Variants in CHST11 observed in about 807,000 individuals in gnomAD.
CHST11 encodes the protein C4S-1.
Under a neutral mutation model 30.4 loss-of-function variants are expected in CHST11, and 9 were observed. The observed-to-expected ratio is 0.30, with a 90% CI of 0.18 to 0.52. CHST11 has a LOEUF of 0.52. CHST11 is among the 20% of genes least tolerant of loss of function. The probability of loss-of-function intolerance (pLI) is 0.97; values close to 1 mark genes in which losing one functional copy is unlikely to be tolerated. For missense variants in CHST11, 348 were observed against 460.6 expected (o/e 0.76, Z 2.24); for synonymous variants, 152 against 187.8 (o/e 0.81, Z 1.56).
chr12:104,726,372 T>C (rs1461242957), intron 2 of CHST11, among the ~76,000 whole-genome samples: 1 of 152,182 alleles, frequency 6.6e-6, no homozygotes, highest in African/African-American at 2.4e-5. Context: ...GATCTGCCGT[T>C]GAGCATATTC....
chr12:104,619,520 G>T (rs1380294097), intron 2 of CHST11, among the ~76,000 whole-genome samples: 1 of 152,130 alleles, frequency 6.6e-6, no homozygotes, highest in Non-Finnish European at 1.5e-5. Flanking sequence ...CACTCCACTG[G>T]GTCGTGTTTC....
intron 1 of CHST11, among the ~76,000 whole-genome samples, chr12:104,522,285 G>A (rs1370670989): frequency 6.6e-6 from 1 of 152,146 alleles, no homozygotes; most frequent in Non-Finnish European, 1.5e-5. Context: ...ATCTCACTGA[G>A]CCGTGTTATT....
chr12:104,605,491 A>G (rs2136049607), intron 2 of CHST11, among the ~76,000 whole-genome samples: 1 of 152,346 alleles, frequency 6.6e-6, no homozygotes, highest in Admixed American at 6.5e-5. Context: ...AGGCAGGAGA[A>G]TGGCGTGAGC....
At chr12:104,724,081 C>T (rs2040199111) in intron 2 of CHST11, among the ~76,000 whole-genome samples, 1 of 152,128 alleles carries the variant, frequency 6.6e-6, no homozygotes, top group Admixed American at 6.6e-5. Context: ...ACTTTAGCTG[C>T]TCTGTTGAAA....
At chr12:104,469,579 G>A (rs922848996) in intron 1 of CHST11, among the ~76,000 whole-genome samples, 2 of 152,178 alleles carry the variant, frequency 1.3e-5, no homozygotes, top group African/African-American at 4.8e-5. Context: ...AGCATCAATT[G>A]GCCCTATGTC....
chr12:104,501,062 G>A (rs1025675640), intron 1 of CHST11, among the ~76,000 whole-genome samples: 37 of 152,208 alleles, frequency 2.4e-4, no homozygotes, highest in African/African-American at 8.2e-4. Context: ...TTATGCCTTC[G>A]GAGTCCTTCA....
intron 1 of CHST11, among the ~76,000 whole-genome samples, chr12:104,478,065 A>G (rs2037581077): frequency 6.6e-6 from 1 of 152,094 alleles, no homozygotes; most frequent in Admixed American, 6.5e-5. Context: ...CAAGTTTGGG[A>G]AGCAACCCCC....
intron 2 of CHST11, among the ~76,000 whole-genome samples, chr12:104,690,213 T>A (rs1210659374): frequency 6.6e-6 from 1 of 152,216 alleles, no homozygotes; most frequent in Non-Finnish European, 1.5e-5. Flanking sequence ...GAGAATCCAG[T>A]TAATAGCTTT....
intron 2 of CHST11, among the ~76,000 whole-genome samples, chr12:104,605,823 T>C (rs932838920): frequency 1.3e-5 from 2 of 152,200 alleles, no homozygotes; most frequent in African/African-American, 2.4e-5. Context: ...AGCTGCATTG[T>C]CAGCCATTAA....
chr12:104,517,899 A>G (rs1421580600), intron 1 of CHST11, among the ~76,000 whole-genome samples: 1 of 152,170 alleles, frequency 6.6e-6, no homozygotes, highest in Non-Finnish European at 1.5e-5. Context: ...CTTTTTGAAT[A>G]CCTACTGCAT....
At chr12:104,478,194 C>G (rs2037583175) in intron 1 of CHST11, among the ~76,000 whole-genome samples, 1 of 152,200 alleles carries the variant, frequency 6.6e-6, no homozygotes, top group African/African-American at 2.4e-5. Flanking sequence ...CACACACACA[C>G]AAACACACAC....
At position 104,622,080 on chromosome 12, in the gene CHST11, A is replaced by G. The variant is rs553605621; in HGVS notation, c.204+20089A>G. Among the ~76,000 whole-genome samples, 5 of 152,372 alleles carry G rather than the reference A, an allele frequency of 3.3e-5. No individual in the cohort carries two copies. The East Asian group carries it at 9.6e-4, about 29-fold the overall frequency. ...CCCCGGTGACCCCCACAGGCACATC[A>G]TGGCTTACATACCGGCAGGGAATAG... On this transcript the variant is annotated intron_variant, in intron 2 of 2. Transcript: ENST00000303694.
intron 2 of CHST11, among the ~76,000 whole-genome samples, chr12:104,714,405 T>C (rs2040112367): frequency 6.6e-6 from 1 of 152,248 alleles, no homozygotes; most frequent in African/African-American, 2.4e-5. Flanking sequence ...AGTTTCACTG[T>C]CTGCAAACTG....
chr12:104,633,878 T>TC (rs1004213425), intron 2 of CHST11, among the ~76,000 whole-genome samples: 3 of 152,008 alleles, frequency 2.0e-5, no homozygotes, highest in African/African-American at 7.2e-5. Flanking sequence ...CACTCCCAGC[T>TC]CCCCCTGCCC....
At chr12:104,493,090 C>T (rs767706202) in intron 1 of CHST11, among the ~76,000 whole-genome samples, 2 of 151,802 alleles carry the variant, frequency 1.3e-5, no homozygotes, top group African/African-American at 2.4e-5. Context: ...ATGAAATGCA[C>T]ACTTACCTAT....
chr12:104,606,929 A>T (rs1396337787), intron 2 of CHST11, among the ~76,000 whole-genome samples: 1 of 152,048 alleles, frequency 6.6e-6, no homozygotes, highest in Non-Finnish European at 1.5e-5. Context: ...TTCGCCCGGC[A>T]TGGTGGCTCG....
intron 1 of CHST11, among the ~76,000 whole-genome samples, chr12:104,564,461 G>A (rs537477613): frequency 6.0e-4 from 91 of 152,326 alleles, no homozygotes; most frequent in African/African-American, 1.9e-3. Flanking sequence ...TCCACCTCAT[G>A]GTGCTCTTGA....
intron 1 of CHST11, among the ~76,000 whole-genome samples, chr12:104,535,073 C>T (rs1448770414): frequency 6.6e-6 from 1 of 152,196 alleles, no homozygotes; most frequent in Non-Finnish European, 1.5e-5. Flanking sequence ...TAAAATCACT[C>T]CTTGTGGAGC....
chr12:104,673,411 G>T (rs2039713956), intron 2 of CHST11, among the ~76,000 whole-genome samples: 1 of 152,146 alleles, frequency 6.6e-6, no homozygotes, highest in Admixed American at 6.5e-5. Flanking sequence ...TACACATGTG[G>T]TGACACCTAT....
Sources: gnomAD v4.1 joint callset for allele counts (sites outside exome capture counted in the v4.1 genomes callset) on GRCh38, gnomAD v4.1.1 for gene constraint, MANE v1.5 for transcripts, NCBI Gene and HGNC (gene_info 2026-07-23, HGNC 2026-07-21) for gene names.